UTRN: variants seen among roughly 807,000 people sequenced by gnomAD.
UTRN encodes the protein dystrophin-related protein 1.
Under a neutral mutation model 463.9 loss-of-function variants are expected in UTRN, and 283 were observed. That is an observed-to-expected ratio of 0.61 (90% CI 0.55 to 0.67). The LOEUF is 0.67. Ranked by LOEUF, UTRN falls within the 30% of genes least tolerant of loss-of-function variation. UTRN has a pLI of 0.00. For missense variants in UTRN, 3,922 were observed against 4,084.3 expected (o/e 0.96, Z 1.08); for synonymous variants, 1,442 against 1,431.5 (o/e 1.01, Z -0.17).
chr6:144,291,095 C>G (rs73778598), intron 1 of UTRN, among the ~76,000 whole-genome samples: 4 of 152,020 alleles, frequency 2.6e-5, no homozygotes, highest in African/African-American at 4.8e-5. Flanking sequence ...TTTAAAAAGG[C>G]CAATTTGACC....
chr6:144,742,977 T>C (rs1288730883), intron 54 of UTRN, among the ~76,000 whole-genome samples: 1 of 152,206 alleles, frequency 6.6e-6, no homozygotes, highest in African/African-American at 2.4e-5. Flanking sequence ...CTTTGTAAGG[T>C]TGATCCTTCT....
At chr6:144,830,727 T>TTGTTTTC (rs1780598810) in intron 69 of UTRN, among the ~76,000 whole-genome samples, 1 of 145,412 alleles carries the variant, frequency 6.9e-6, no homozygotes, top group South Asian at 2.2e-4. Context: ...TTTTTGTTTT[T>TTGTTTTC]TGTTTTTTTT....
At chr6:144,540,579 A>G (rs1427776818) in intron 45 of UTRN, among the ~76,000 whole-genome samples, 2 of 152,230 alleles carry the variant, frequency 1.3e-5, no homozygotes, top group Non-Finnish European at 2.9e-5. Context: ...AATGTCTAAT[A>G]GGCACCTCAA....
chr6:144,336,685 A>T (rs568406828), intron 2 of UTRN, among the ~76,000 whole-genome samples: 1 of 152,214 alleles, frequency 6.6e-6, no homozygotes, highest in South Asian at 2.1e-4. Context: ...AAAACAGATT[A>T]TGGAGACAGT....
At chr6:144,579,612 T>G (rs1045822995) in intron 51 of UTRN, among the ~76,000 whole-genome samples, 1 of 152,138 alleles carries the variant, frequency 6.6e-6, no homozygotes, top group African/African-American at 2.4e-5. Context: ...GGAAGACAAA[T>G]GTAAATAGAA....
intron 22 of UTRN, 63 bp downstream of exon 22, chr6:144,461,405 T>A: frequency 7.4e-7 from 1 of 1,353,642 alleles, no homozygotes. Context: ...TTACATATTT[T>A]GAAATGTTTT....
intron 25 of UTRN, among the ~76,000 whole-genome samples, chr6:144,476,348 G>A (rs139312089): frequency 4.1e-4 from 63 of 152,030 alleles, no homozygotes; most frequent in African/African-American, 1.4e-3. Context: ...GGAGAGAGAG[G>A]ATGGACCCAT....
chr6:144,291,638 C>T, intron 1 of UTRN, 99 bp from the exon 2 acceptor site: 1 of 420,534 alleles, frequency 2.4e-6, no homozygotes, highest in Non-Finnish European at 4.2e-6. Context: ...ACGTGGTAGG[C>T]ACTCAATAAA....
chr6:144,830,767 G>A (rs1243994837), intron 69 of UTRN, among the ~76,000 whole-genome samples: 2 of 150,894 alleles, frequency 1.3e-5, no homozygotes, highest in Non-Finnish European at 2.9e-5. Flanking sequence ...GCTATCATTA[G>A]TGTTAGTGTA....
At position 144,709,786 on chromosome 6, in the gene UTRN, A is replaced by C. The variant is rs192293545; in HGVS notation, c.7809+9543A>C. Among the ~76,000 whole-genome samples the C allele has an allele frequency of 9.2e-5, 14 of 152,338 alleles. No homozygotes were observed. In the East Asian group the frequency reaches 1.5e-3, roughly 17 times the overall value. On this transcript the variant is annotated intron_variant, in intron 53 of 74. Coordinates refer to ENST00000367545, the MANE Select transcript of UTRN (RefSeq NM_007124.3). ...ATAAATGCAAGTTTTGAATACCACT[A>C]TATACAACCTTTATTTAGGGGTTGA...
intron 53 of UTRN, among the ~76,000 whole-genome samples, chr6:144,726,010 T>G (rs954508959): frequency 1.3e-5 from 2 of 152,134 alleles, no homozygotes; most frequent in Non-Finnish European, 2.9e-5. Context: ...GCCAGCACCC[T>G]GCGCAGAGAG....
chr6:144,662,349 A>G (rs541532518), intron 51 of UTRN, among the ~76,000 whole-genome samples: 1 of 152,318 alleles, frequency 6.6e-6, no homozygotes, highest in African/African-American at 2.4e-5. Flanking sequence ...CCTTCCCCCA[A>G]CAAAGCAATA....
intron 25 of UTRN, among the ~76,000 whole-genome samples, chr6:144,476,774 G>T (rs1791250064): frequency 6.6e-6 from 1 of 152,150 alleles, no homozygotes; most frequent in South Asian, 2.1e-4. Flanking sequence ...CCTTGAGAAA[G>T]CAGGGTCAAT....
chr6:144,303,876 G>A (rs548876091), intron 2 of UTRN, among the ~76,000 whole-genome samples: 4 of 152,310 alleles, frequency 2.6e-5, no homozygotes, highest in South Asian at 4.1e-4. Flanking sequence ...ATGTGATGCT[G>A]TGAAGATAAT....
chr6:144,840,599 A>G (rs1781483620), intron 72 of UTRN, 141 bp from the exon 73 acceptor site: 4 of 895,556 alleles, frequency 4.5e-6, no homozygotes, highest in Admixed American at 5.6e-5. Context: ...ATATTCCCCT[A>G]AAATTGTCCT....
intron 51 of UTRN, among the ~76,000 whole-genome samples, chr6:144,615,034 A>G (rs1436216430): frequency 6.6e-6 from 1 of 152,158 alleles, no homozygotes; most frequent in Non-Finnish European, 1.5e-5. Context: ...AATACTTGAC[A>G]GAAAAGTTGA....
intron 2 of UTRN, among the ~76,000 whole-genome samples, chr6:144,317,623 C>G (rs964488528): frequency 6.6e-6 from 1 of 152,120 alleles, no homozygotes; most frequent in African/African-American, 2.4e-5. Flanking sequence ...TCTCGAACTC[C>G]TGACCTCAAG....
At position 144,458,897 on chromosome 6, in the gene UTRN, CAAGCAGCTTGATG is replaced by C. The variant is rs1450274645; in HGVS notation, c.2414_2426del (p.Lys805SerfsTer13). On this transcript the variant is annotated frameshift_variant, in exon 20 of 75. Coordinates refer to ENST00000367545, the MANE Select transcript of UTRN (RefSeq NM_007124.3). LOFTEE classifies it high-confidence loss of function. ...TACAGGAAGATATAAATGCTTATTT[CAAGCAGCTTGATG>C]AGCTTGAAAAGGTCATCAAGACAAA... 7.4e-6 allele frequency: 12 copies of C among 1,613,736 alleles called. 1 individual carries two copies. The highest frequency in any genetic ancestry group is 9.3e-6 in the Non-Finnish European group (11 of 1,179,960).
chr6:144,827,595 T>G lies in UTRN; in HGVS notation c.9534-16T>G, dbSNP rs1325760017. On this transcript the variant is annotated splice_polypyrimidine_tract_variant and intron_variant, in intron 67 of 74. Coordinates refer to ENST00000367545, the MANE Select transcript of UTRN (RefSeq NM_007124.3). ...ATTTGGGCATAAAATTATTGCTTTG[T>G]TTTTTTCTTTTAAAGCCCCTCACAA... The G allele has an allele frequency of 2.5e-6, 4 of 1,613,146 alleles. No individual in the cohort carries two copies. Among genetic ancestry groups the G allele is most frequent in the Non-Finnish European group, 3.4e-6 (4 of 1,179,622 alleles).
Sources: allele counts gnomAD v4.1 joint callset (sites outside exome capture counted in the v4.1 genomes callset), GRCh38; gene constraint gnomAD v4.1.1; transcripts MANE v1.5; gene names NCBI Gene and HGNC (gene_info 2026-07-23, HGNC 2026-07-21).